The following LYPD5 variants were observed in gnomAD, a reference collection of about 807,000 sequenced individuals.
The protein encoded by LYPD5 is LY6/PLAUR domain containing 5.
Under a neutral mutation model 19.1 loss-of-function variants are expected in LYPD5, and 21 were observed. That is an observed-to-expected ratio of 1.10 (90% CI 0.78 to 1.58). The LOEUF (loss-of-function observed/expected upper bound fraction) is 1.58. Among genes scored for constraint, LYPD5 ranks in the 40% most tolerant of loss-of-function variants. LYPD5 has a pLI of 0.00. For synonymous variants in LYPD5, 128 were observed against 142.7 expected, an observed-to-expected ratio of 0.90 and a Z score of 0.74; for missense variants, 287 against 329.8, an observed-to-expected ratio of 0.87 and a Z score of 1.00.
intron 1 of LYPD5, among the ~76,000 whole-genome samples, chr19:43,810,539 C>T: frequency 1.6e-5 from 1 of 63,308 alleles, no homozygotes. Flanking sequence ...CCGTTCCCTC[C>T]CCTCCCCTCC....
intron 1 of LYPD5, among the ~76,000 whole-genome samples, chr19:43,815,204 A>C (rs1316932537): frequency 6.6e-6 from 1 of 152,124 alleles, no homozygotes; most frequent in Non-Finnish European, 1.5e-5. Context: ...CTGAAAAATG[A>C]GTCAGAACAA....
chr19:43,807,998 T>C lies in LYPD5; in HGVS notation c.-65-8164A>G, dbSNP rs187606991. ...TTTTCCACCTCTTTGAAATAAACAT[T>C]AATTACAGAATCCTTTGAGATTAAA... On this transcript the variant is annotated intron_variant, in intron 1 of 4. Coordinates refer to the LYPD5 transcript ENST00000414615. 2.4e-4 allele frequency among the ~76,000 whole-genome samples: 37 copies of C among 152,380 alleles called. 1 individual carries two copies. In the East Asian group the frequency reaches 5.2e-3, roughly 21 times the overall value.
chr19:43,806,889 G>A (rs536205487), upstream of LYPD5, among the ~76,000 whole-genome samples: 85 of 152,290 alleles, frequency 5.6e-4, no homozygotes, highest in African/African-American at 1.8e-3. Context: ...TGCTCAAAAG[G>A]TTGAGGACCG....
At chr19:43,812,274 G>A (rs1970330443) in intron 1 of LYPD5, among the ~76,000 whole-genome samples, 1 of 152,164 alleles carries the variant, frequency 6.6e-6, no homozygotes, top group South Asian at 2.1e-4. Context: ...CCCAGAGTCA[G>A]TGCAGAAGGA....
At chr19:43,802,581 G>C (rs190908472), upstream of LYPD5, 48 of 578,562 alleles carry the variant, frequency 8.3e-5, no homozygotes, top group Admixed American at 1.4e-3. Flanking sequence ...TACACTTCTG[G>C]GTCTGAGGGA....
intron 1 of LYPD5, among the ~76,000 whole-genome samples, chr19:43,809,020 G>A (rs1184482795): frequency 3.9e-5 from 6 of 152,036 alleles, no homozygotes; most frequent in South Asian, 2.1e-4. Flanking sequence ...AATGGTAACC[G>A]GATATTAGTT....
In LYPD5 at chr19:43,798,976, G is replaced by C. The variant is rs369369665; in HGVS notation, c.206C>G (p.Pro69Arg). 5.1e-6 allele frequency: 8 copies of C among 1,574,550 alleles called. No individual in the cohort carries two copies. The highest frequency in any genetic ancestry group is 1.3e-5 in the African/African-American group (1 of 74,290). The change falls in exon 3 of 5, where the codon CCG (proline) becomes CGG (arginine). Residue 69 changes from proline (P) to arginine (R), a missense_variant. By Grantham distance (103) the Pro-to-Arg change is moderately radical (BLOSUM62 -2). Coordinates refer to ENST00000377950, the MANE Select transcript of LYPD5 (RefSeq NM_001031749.3). The part of the protein sequence containing the change: ...ILSLDTGYRA[P>R]VTLVRKGCWT... The stretch of plus-strand genomic sequence containing the variant: ...GCAGCCCTTCCGCACCAGGGTCACC[G>C]GCGCGCGATACCCTGGGGGCGGGAT...
At chr19:43,818,032 A>G (rs1379050467) in intron 1 of LYPD5, among the ~76,000 whole-genome samples, 3 of 152,164 alleles carry the variant, frequency 2.0e-5, no homozygotes, top group African/African-American at 7.2e-5. Context: ...CTCTTAGTTC[A>G]CAAGTTAGGA....
intron 1 of LYPD5, chr19:43,815,753 T>G (rs1970367484): frequency 2.4e-6 from 1 of 422,388 alleles, no homozygotes; most frequent in Non-Finnish European, 4.7e-6. Flanking sequence ...TTATTTTATT[T>G]TTGAGACGGA....
chr19:43,819,204 TTTATTCTA>T (rs1970398163), intron 1 of LYPD5, among the ~76,000 whole-genome samples: 1 of 152,064 alleles, frequency 6.6e-6, no homozygotes, highest in Non-Finnish European at 1.5e-5. Context: ...TTTCTTTGTA[TTTATTCTA>T]TTATTCTGTG....
intron 1 of LYPD5, among the ~76,000 whole-genome samples, chr19:43,818,055 GAGTTCTACC>G (rs1238962225): frequency 2.0e-5 from 3 of 152,144 alleles, no homozygotes; most frequent in Non-Finnish European, 4.4e-5. Flanking sequence ...CCACTATAAT[GAGTTCTACC>G]AGAAGATGAG....
chr19:43,816,433 G>A (rs1346375520), intron 1 of LYPD5, among the ~76,000 whole-genome samples: 8 of 152,286 alleles, frequency 5.3e-5, no homozygotes, highest in Non-Finnish European at 7.3e-5. Context: ...ACAATATGAC[G>A]GAGATTAGGA....
chr19:43,809,680 C>A (rs1425186211), intron 1 of LYPD5, among the ~76,000 whole-genome samples: 2 of 152,240 alleles, frequency 1.3e-5, no homozygotes, highest in African/African-American at 4.8e-5. Context: ...GCGTGAGCCA[C>A]TGTGCCTGGC....
At chr19:43,812,927 A>G (rs1314437877) in intron 1 of LYPD5, among the ~76,000 whole-genome samples, 6 of 152,206 alleles carry the variant, frequency 3.9e-5, no homozygotes, top group Admixed American at 1.3e-4. Context: ...GACATGGCAC[A>G]CTGGCGGGAG....
rs972921854 is a variant in LYPD5, at chr19:43,815,667, ATATG to A, written c.-66+4869_-66+4872del. 1.1e-3 allele frequency: 280 copies of A among 246,148 alleles called. 3 individuals carry two copies. The highest frequency in any genetic ancestry group is 6.1e-3 in the African/African-American group (262 of 43,006). 15.2% of individuals were successfully genotyped at this position (246,148 alleles called of 1,614,324 possible). On this transcript the variant is annotated intron_variant, in intron 1 of 4. Coordinates refer to the LYPD5 transcript ENST00000414615. ...AACACTATTCTGAAGTGTGATTTAT[ATATG>A]TATCATATAAATCATATATGTTATA...
At chr19:43,799,367 C>T (rs1970188946) in intron 2 of LYPD5, among the ~76,000 whole-genome samples, 3 of 152,182 alleles carry the variant, frequency 2.0e-5, no homozygotes, top group South Asian at 4.1e-4. Flanking sequence ...CCTCAGCCTC[C>T]CGAGTAGCTG....
intron 1 of LYPD5, among the ~76,000 whole-genome samples, chr19:43,800,412 C>T (rs2146495395): frequency 6.6e-6 from 1 of 152,340 alleles, no homozygotes; most frequent in East Asian, 1.9e-4. Context: ...AAGTACGCAT[C>T]TGGACCCTGC....
At chr19:43,799,857 G>A (rs771950996) in intron 1 of LYPD5, 23 bp from the exon 2 acceptor site, 1 of 1,596,174 alleles carries the variant, frequency 6.3e-7, no homozygotes, top group East Asian at 2.3e-5. Context: ...GCGTGGCAGA[G>A]TCAGCAGGGC....
At chr19:43,807,262 C>CTTTCTTTTCT (rs148332176), upstream of LYPD5, among the ~76,000 whole-genome samples, 6 of 123,426 alleles carry the variant, frequency 4.9e-5, no homozygotes, top group Admixed American at 3.2e-4. Flanking sequence ...ACCTCATTTT[C>CTTTCTTTTCT]TTTCTTTTCT....
Sources: allele counts gnomAD v4.1 joint callset (sites outside exome capture counted in the v4.1 genomes callset), GRCh38; gene constraint gnomAD v4.1.1; transcripts MANE v1.5; gene names NCBI Gene and HGNC (gene_info 2026-07-23, HGNC 2026-07-21).